Variants in CEP112 observed in about 807,000 individuals in gnomAD.
The protein encoded by CEP112 is centrosomal protein of 112 kDa.
Under a neutral mutation model 153.0 loss-of-function variants are expected in CEP112, and 127 were observed. The observed-to-expected ratio is 0.83, with a 90% CI of 0.72 to 0.96. The LOEUF is 0.96. Among genes scored for constraint, CEP112 ranks in the 40% least tolerant of loss-of-function variants. The probability of loss-of-function intolerance (pLI) is 0.00; values close to 1 mark genes in which losing one functional copy is unlikely to be tolerated. For synonymous variants in CEP112, 358 were observed against 374.4 expected, an observed-to-expected ratio of 0.96 and a Z score of 0.51; for missense variants, 1,089 against 1,101.2, an observed-to-expected ratio of 0.99 and a Z score of 0.16.
intron 21 of CEP112, among the ~76,000 whole-genome samples, chr17:65,759,139 C>T (rs908206447): frequency 1.3e-5 from 2 of 152,142 alleles, no homozygotes; most frequent in African/African-American, 4.8e-5. Context: ...TGACAGTTTA[C>T]AAATGCCAAG....
At chr17:65,686,020 G>A (rs540942346) in intron 24 of CEP112, among the ~76,000 whole-genome samples, 1 of 151,796 alleles carries the variant, frequency 6.6e-6, no homozygotes, top group African/African-American at 2.4e-5. Flanking sequence ...GGGGGACATA[G>A]GTCAAATTTA....
intron 4 of CEP112, among the ~76,000 whole-genome samples, chr17:66,140,028 A>G (rs2070618992): frequency 6.6e-6 from 1 of 152,222 alleles, no homozygotes; most frequent in African/African-American, 2.4e-5. Context: ...AAAATCCTCA[A>G]CAAAATACTA....
intron 23 of CEP112, among the ~76,000 whole-genome samples, chr17:65,722,415 A>G (rs750082326): frequency 1.1e-4 from 17 of 151,472 alleles, no homozygotes; most frequent in Non-Finnish European, 2.5e-4. Flanking sequence ...CACCCAGCTA[A>G]TTTTTGTATT....
At chr17:65,891,189 A>G (rs2143172106) in intron 20 of CEP112, among the ~76,000 whole-genome samples, 1 of 152,276 alleles carries the variant, frequency 6.6e-6, no homozygotes, top group South Asian at 2.1e-4. Context: ...TAATTAGCTA[A>G]TATGAACTCA....
intron 21 of CEP112, among the ~76,000 whole-genome samples, chr17:65,843,616 GC>G (rs2057607690): frequency 6.6e-6 from 1 of 152,136 alleles, no homozygotes; most frequent in African/African-American, 2.4e-5. Context: ...GCCATATGGA[GC>G]TTTTCTTAAA....
At chr17:65,697,696 A>G (rs1393798568) in intron 23 of CEP112, among the ~76,000 whole-genome samples, 1 of 152,216 alleles carries the variant, frequency 6.6e-6, no homozygotes, top group Non-Finnish European at 1.5e-5. Context: ...AGAGGCCACT[A>G]TAGTTTCTGT....
chr17:65,726,696 G>C (rs970787297), intron 23 of CEP112, among the ~76,000 whole-genome samples: 2 of 152,118 alleles, frequency 1.3e-5, no homozygotes, highest in African/African-American at 2.4e-5. Context: ...GACGTTTTCA[G>C]AAATTAAGAC....
At chr17:65,734,271 T>C (rs1486436517) in intron 23 of CEP112, among the ~76,000 whole-genome samples, 1 of 152,172 alleles carries the variant, frequency 6.6e-6, no homozygotes, top group Non-Finnish European at 1.5e-5. Context: ...CATGGGCATT[T>C]CCCATGGGGC....
chr17:65,714,943 A>G (rs1414140850), intron 23 of CEP112, among the ~76,000 whole-genome samples: 1 of 152,092 alleles, frequency 6.6e-6, no homozygotes, highest in Admixed American at 6.6e-5. Context: ...ATAGACCTGA[A>G]TGATGATACA....
intron 18 of CEP112, among the ~76,000 whole-genome samples, chr17:65,953,956 C>T (rs149755298): frequency 4.6e-5 from 7 of 152,142 alleles, no homozygotes; most frequent in Admixed American, 2.0e-4. Context: ...ATACTTAAGC[C>T]GGTGTCCCTA....
intron 16 of CEP112, among the ~76,000 whole-genome samples, chr17:66,014,592 C>T (rs1218355811): frequency 6.6e-6 from 1 of 152,188 alleles, no homozygotes; most frequent in Non-Finnish European, 1.5e-5. Context: ...GCAACTCTCT[C>T]TGCCAGCTCA....
intron 12 of CEP112, among the ~76,000 whole-genome samples, chr17:66,037,880 T>C (rs1024857): frequency 0.51 from 77,988 of 151,618 alleles, 20,987 homozygotes; most frequent in African/African-American, 0.59. Flanking sequence ...TCAAAGAATG[T>C]TATGTATAAT....
intron 21 of CEP112, among the ~76,000 whole-genome samples, chr17:65,806,560 G>A (rs1353348520): frequency 6.6e-6 from 1 of 152,178 alleles, no homozygotes; most frequent in Non-Finnish European, 1.5e-5. Context: ...ACTGGGGGAG[G>A]GCCCTGGTGG....
At chr17:65,861,959 T>C (rs1041120706) in intron 20 of CEP112, among the ~76,000 whole-genome samples, 4 of 152,226 alleles carry the variant, frequency 2.6e-5, no homozygotes, top group Non-Finnish European at 5.9e-5. Context: ...TTGTCCGTCA[T>C]AGTTGTCATT....
At chr17:65,842,822 T>C (rs2057571323) in intron 21 of CEP112, among the ~76,000 whole-genome samples, 1 of 152,190 alleles carries the variant, frequency 6.6e-6, no homozygotes, top group Non-Finnish European at 1.5e-5. Context: ...TTTGGTTTGA[T>C]TTGTGTATTT....
intron 21 of CEP112, among the ~76,000 whole-genome samples, chr17:65,767,922 T>C (rs1226480275): frequency 6.6e-6 from 1 of 152,118 alleles, no homozygotes; most frequent in Non-Finnish European, 1.5e-5. Flanking sequence ...GATGTCTTCA[T>C]GGCTGAATTC....
intron 19 of CEP112, among the ~76,000 whole-genome samples, chr17:65,919,098 C>A (rs902681458): frequency 6.6e-6 from 1 of 152,200 alleles, no homozygotes; most frequent in African/African-American, 2.4e-5. Context: ...ATAGCACCCC[C>A]CTGGGGGATC....
chr17:65,847,774 G>C (rs1376745462), intron 21 of CEP112, among the ~76,000 whole-genome samples: 1 of 152,212 alleles, frequency 6.6e-6, no homozygotes, highest in Non-Finnish European at 1.5e-5. Context: ...GACAAAAAAA[G>C]GTGGCATAGG....
At position 65,815,164 on chromosome 17, in the gene CEP112, G is replaced by A. The variant is rs150296383; in HGVS notation, c.2394+36640C>T. Among the ~76,000 whole-genome samples, 504 of 151,808 alleles carry A rather than the reference G, an allele frequency of 3.3e-3. 5 individuals carry two copies. The highest frequency in any genetic ancestry group is 0.011 in the African/African-American group (439 of 41,200). On this transcript the variant is annotated intron_variant, in intron 21 of 26. Transcript: ENST00000535342. The stretch of plus-strand genomic sequence containing the variant: ...AGGGTTTTATACTTGCAGCATTTAT[G>A]TTGAGGTCTACAATTAATTTCAAGG...
Sources: allele counts gnomAD v4.1 joint callset (sites outside exome capture counted in the v4.1 genomes callset), GRCh38; gene constraint gnomAD v4.1.1; transcripts MANE v1.5; gene names NCBI Gene and HGNC (gene_info 2026-07-23, HGNC 2026-07-21).